SETBP1: variants seen among roughly 807,000 people sequenced by gnomAD.
The protein encoded by SETBP1 is SET binding protein 1, also known as SET-binding protein.
A neutral mutation model predicts 101.0 loss-of-function variants in SETBP1; 9 were observed. The ratio of observed to expected loss-of-function variants is 0.09; its 90% CI spans 0.05 to 0.16. SETBP1 has a LOEUF of 0.16. Among genes scored for constraint, SETBP1 ranks in the 10% least tolerant of loss-of-function variants. The pLI, the probability that SETBP1 is intolerant of heterozygous loss-of-function variation, is 1.00. For missense variants in SETBP1, 1,858 were observed against 2,033.8 expected, an observed-to-expected ratio of 0.91 and a Z score of 1.66; for synonymous variants, 818 against 788.5, an observed-to-expected ratio of 1.04 and a Z score of -0.63.
rs186095131 is a variant in SETBP1 at position 44,787,785 on chromosome 18, C to T, written c.487-81445C>T. Reference sequence around the variant, plus strand: ...AGGAGAATGGCGTGAACCCGGGAAGCGGAGCTTGCAGTGAGCCGAGATTGC... The same window carrying T: ...AGGAGAATGGCGTGAACCCGGGAAGTGGAGCTTGCAGTGAGCCGAGATTGC... On this transcript the variant is annotated intron_variant, in intron 2 of 5. Transcript: ENST00000649279. Among the ~76,000 whole-genome samples, 1,189 of 129,326 alleles carry T rather than the reference C, an allele frequency of 9.2e-3. 17 individuals carry two copies. Among genetic ancestry groups the T allele is most frequent in the African/African-American group, 0.033 (1,112 of 34,136 alleles). 84.8% of individuals were successfully genotyped at this position (129,326 alleles called of 152,430 possible).
rs35193387 is a variant in SETBP1, at chr18:44,793,159, T to TC, written c.487-76067dup. Among the ~76,000 whole-genome samples, 1,267 of 152,290 alleles carry TC rather than the reference T, an allele frequency of 8.3e-3. 10 individuals are homozygous for TC. The highest frequency in any genetic ancestry group is 0.014 in the Non-Finnish European group (947 of 68,018). The stretch of plus-strand genomic sequence containing the variant: ...GTCTCCAAATTATTGTGTCCAAACC[T>TC]CCCCTTTTGCAGATGCATGTGCTGA... On this transcript the variant is annotated intron_variant, in intron 2 of 5. Transcript: ENST00000649279.
At chr18:44,823,564 G>C (rs1406668731) in intron 2 of SETBP1, among the ~76,000 whole-genome samples, 1 of 152,330 alleles carries the variant, frequency 6.6e-6, no homozygotes, top group East Asian at 1.9e-4. Context: ...TGCTGACTTA[G>C]GGACTCCCAC....
intron 2 of SETBP1, among the ~76,000 whole-genome samples, chr18:44,752,151 G>T (rs2070395112): frequency 1.3e-5 from 2 of 152,160 alleles, no homozygotes; most frequent in African/African-American, 4.8e-5. Context: ...TATGGAAGAA[G>T]TGAAAGAACA....
intron 5 of SETBP1, among the ~76,000 whole-genome samples, chr18:45,042,082 A>G (rs1038543617): frequency 6.6e-6 from 1 of 151,780 alleles, no homozygotes; most frequent in Non-Finnish European, 1.5e-5. Context: ...CAGTAGCTGT[A>G]TGCTTTTACA....
rs548056897 is a variant in SETBP1 at position 44,701,798 on chromosome 18, C to T, written c.452C>T (p.Thr151Met). Residue 151 changes from threonine to methionine, a missense_variant, in exon 2 of 6, where the codon ACG (threonine) becomes ATG (methionine). By Grantham distance (81) the Thr-to-Met change is moderately conservative. Transcript: ENST00000649279. Reference protein sequence around the residue: ...VSRAGKNSKATKEEERSHSKK... With the variant: ...VSRAGKNSKAMKEEERSHSKK... ...CGTGCTGGAAAAAATAGCAAAGCCACGAAGGAGGAAGAAAGAAGCCACTCC... is the reference window on the plus strand; with the variant it reads ...CGTGCTGGAAAAAATAGCAAAGCCATGAAGGAGGAAGAAAGAAGCCACTCC... 1.6e-5 allele frequency: 26 copies of T among 1,613,664 alleles called. No homozygotes were observed. Among genetic ancestry groups the T allele is most frequent in the South Asian group, 1.3e-4 (12 of 91,066 alleles).
At chr18:44,897,042 T>A (rs1461732898) in intron 3 of SETBP1, among the ~76,000 whole-genome samples, 3 of 152,212 alleles carry the variant, frequency 2.0e-5, no homozygotes, top group Admixed American at 6.5e-5. Context: ...GTTGAGACTT[T>A]GCTTCGCTTC....
chr18:44,879,298 ATCACAGGTTGGAC>A (rs1456063026), intron 3 of SETBP1, among the ~76,000 whole-genome samples: 2 of 152,216 alleles, frequency 1.3e-5, no homozygotes, highest in African/African-American at 4.8e-5. Context: ...ATAAGTTTGA[ATCACAGGTTGGAC>A]TTGTACTAGC....
intron 3 of SETBP1, among the ~76,000 whole-genome samples, chr18:44,888,030 A>G (rs536257371): frequency 1.3e-5 from 2 of 152,258 alleles, no homozygotes; most frequent in East Asian, 1.9e-4. Context: ...TCTGGGATCA[A>G]ATAAGGAACT....
rs567535858 is a variant in SETBP1 at position 44,970,614 on chromosome 18, C to T, written c.4000+17274C>T. 9.2e-5 allele frequency among the ~76,000 whole-genome samples: 14 copies of T among 151,956 alleles called. No individual in the cohort carries two copies. In the East Asian group the frequency reaches 2.5e-3, roughly 27 times the overall value. ...TTCCCCAGGCTGCAGTGAAATGGGGCGATCTCGGCTTACTGCAACCTCCAC... is the reference window on the plus strand; with the variant it reads ...TTCCCCAGGCTGCAGTGAAATGGGGTGATCTCGGCTTACTGCAACCTCCAC... On this transcript the variant is annotated intron_variant, in intron 4 of 5. Transcript: ENST00000649279.
In SETBP1 at chr18:44,729,468, G is replaced by A. The variant is rs138409487; in HGVS notation, c.486+27636G>A. Among the ~76,000 whole-genome samples, 5 of 152,220 alleles carry A rather than the reference G, an allele frequency of 3.3e-5. No individual in the cohort carries two copies. In the South Asian group the frequency reaches 1.0e-3, roughly 31 times the overall value. On this transcript the variant is annotated intron_variant, in intron 2 of 5. Coordinates refer to ENST00000649279, the MANE Select transcript of SETBP1 (RefSeq NM_015559.3). ...ATCTGCATGACTCAGTGGCTAATGGGATTTAGTTGTTGAATGAGAAGGCGG... is the reference window on the plus strand; with the variant it reads ...ATCTGCATGACTCAGTGGCTAATGGAATTTAGTTGTTGAATGAGAAGGCGG...
intron 2 of SETBP1, among the ~76,000 whole-genome samples, chr18:44,733,494 T>C (rs1383636626): frequency 6.6e-6 from 1 of 152,142 alleles, no homozygotes; most frequent in Non-Finnish European, 1.5e-5. Context: ...TTGTGCACAC[T>C]GTGGAGTCTG....
At chr18:44,735,538 A>T (rs2069945575) in intron 2 of SETBP1, among the ~76,000 whole-genome samples, 1 of 152,144 alleles carries the variant, frequency 6.6e-6, no homozygotes, top group African/African-American at 2.4e-5. Context: ...AGTAACAAAC[A>T]CCCAAACATC....
chr18:45,041,246 G>A (rs114516606), intron 5 of SETBP1, among the ~76,000 whole-genome samples: 26 of 152,266 alleles, frequency 1.7e-4, no homozygotes, highest in African/African-American at 6.3e-4. Flanking sequence ...AACAGTGAAT[G>A]AAACTCATAA....
At chr18:44,781,724 A>G (rs1245483644) in intron 2 of SETBP1, among the ~76,000 whole-genome samples, 4 of 152,150 alleles carry the variant, frequency 2.6e-5, no homozygotes, top group African/African-American at 9.7e-5. Context: ...GTTAGAGAGG[A>G]TGGTACCACA....
At chr18:44,921,600 AT>A (rs1027851683) in intron 3 of SETBP1, among the ~76,000 whole-genome samples, 10 of 151,830 alleles carry the variant, frequency 6.6e-5, no homozygotes, top group African/African-American at 2.4e-4. Flanking sequence ...TGCCTCTGCA[AT>A]TTTTTTTTAT....
intron 3 of SETBP1, among the ~76,000 whole-genome samples, chr18:44,931,113 T>A (rs2070823583): frequency 6.6e-6 from 1 of 152,250 alleles, no homozygotes; most frequent in Non-Finnish European, 1.5e-5. Context: ...GCTTTAAATG[T>A]GTCCCAGAGA....
intron 2 of SETBP1, among the ~76,000 whole-genome samples, chr18:44,787,810 C>T (rs1321288817): frequency 2.7e-4 from 31 of 116,080 alleles, no homozygotes; most frequent in African/African-American, 6.1e-4. Context: ...GCCGAGATTG[C>T]GCCACTGCAG....
chr18:44,879,678 C>T (rs1332683540), intron 3 of SETBP1, among the ~76,000 whole-genome samples: 1 of 152,138 alleles, frequency 6.6e-6, no homozygotes, highest in Non-Finnish European at 1.5e-5. Flanking sequence ...ATGATGCTTG[C>T]CATTTTAAAT....
At chr18:44,967,862 T>A (rs1212102751) in intron 4 of SETBP1, among the ~76,000 whole-genome samples, 1 of 152,214 alleles carries the variant, frequency 6.6e-6, no homozygotes, top group African/African-American at 2.4e-5. Context: ...CCACACCTTC[T>A]GGCTTTGCAC....
Sources: allele counts gnomAD v4.1 joint callset (sites outside exome capture counted in the v4.1 genomes callset), GRCh38; gene constraint gnomAD v4.1.1; transcripts MANE v1.5; gene names NCBI Gene and HGNC (gene_info 2026-07-23, HGNC 2026-07-21).